The following KIAA2012 variants were observed in gnomAD, a reference collection of about 807,000 sequenced individuals.
KIAA2012 encodes KIAA2012, also known as uncharacterized protein KIAA2012.
In KIAA2012, 125 loss-of-function variants were observed where a neutral mutation model predicts 150.6. The observed-to-expected ratio is 0.83, with a 90% confidence interval of 0.72 to 0.96. KIAA2012 has a LOEUF of 0.96. Ranked by LOEUF, KIAA2012 falls within the 40% of genes least tolerant of loss-of-function variation. KIAA2012 has a pLI of 0.00. For missense variants in KIAA2012, 1,219 were observed against 1,354.9 expected (o/e 0.90, Z 1.57); for synonymous variants, 462 against 504.7 (o/e 0.92, Z 1.13).
chr2:202,096,673 T>C (rs895695007), intron 4 of KIAA2012, among the ~76,000 whole-genome samples: 3 of 152,158 alleles, frequency 2.0e-5, no homozygotes, highest in African/African-American at 7.2e-5. Context: ...GAGCCCCTAG[T>C]TGAAAGACAA....
At position 202,075,188 on chromosome 2, in the gene KIAA2012, C is replaced by T. The variant is rs779721927; in HGVS notation, c.369+13C>T. The T allele has an allele frequency of 3.3e-5, 50 of 1,528,734 alleles. No individual in the cohort carries two copies. Among genetic ancestry groups the T allele is most frequent in the Non-Finnish European group, 4.0e-5 (46 of 1,139,348 alleles). The allele number at this position is 1,528,734 out of a possible 1,614,324, so 94.7% of individuals were successfully genotyped here. A position where few individuals can be genotyped will look rare whatever the true frequency, so the allele number is the denominator to read the frequency against. On this transcript the variant is annotated intron_variant, in intron 2 of 23. Coordinates refer to ENST00000498697, the MANE Select transcript of KIAA2012 (RefSeq NM_001277372.4). ...TGGAAGGCAGCAGGTAGGCAGAACG[C>T]TCCCTTGGGTTTGGGGAAGGTGCTG...
At position 202,112,160 on chromosome 2, in the gene KIAA2012, G is replaced by A. The variant is rs1575018062; in HGVS notation, c.1652-1176G>A. Among the ~76,000 whole-genome samples the A allele has an allele frequency of 2.6e-5, 4 of 152,140 alleles. No individual in the cohort carries two copies. In the South Asian group the frequency reaches 8.3e-4, roughly 32 times the overall value. On this transcript the variant is annotated intron_variant, in intron 10 of 23. Transcript: ENST00000498697. ...TAAGGCCCCTAGGTAGCCTCATGAT[G>A]GGTGACCAGAAGGACCAAGCGATAA...
chr2:202,138,218 G>A (rs1396549133), intron 12 of KIAA2012: 8 of 458,106 alleles, frequency 1.7e-5, no homozygotes, highest in Non-Finnish European at 3.1e-5. Context: ...TGAATATAAG[G>A]TCTTAACACT....
At chr2:202,075,839 C>T (rs558251426) in intron 2 of KIAA2012, among the ~76,000 whole-genome samples, 1 of 152,290 alleles carries the variant, frequency 6.6e-6, no homozygotes, top group Admixed American at 6.5e-5. Flanking sequence ...GTGGGTGACT[C>T]CCTAATTTAA....
intron 2 of KIAA2012, among the ~76,000 whole-genome samples, chr2:202,088,342 G>A (rs140201301): frequency 7.9e-4 from 121 of 152,312 alleles, no homozygotes; most frequent in Non-Finnish European, 1.4e-3. Context: ...AAGGAGAAAA[G>A]ACCTAATATT....
intron 15 of KIAA2012, chr2:202,179,323 G>T: frequency 8.4e-7 from 1 of 1,184,928 alleles, no homozygotes; most frequent in South Asian, 1.2e-5. Flanking sequence ...GCTTTTCGCT[G>T]ACTACATTCA....
intron 15 of KIAA2012, among the ~76,000 whole-genome samples, chr2:202,168,631 T>C (rs1186965378): frequency 2.0e-5 from 3 of 152,104 alleles, no homozygotes; most frequent in Non-Finnish European, 4.4e-5. Context: ...GGGGGATGCA[T>C]GTAGTCCTCT....
chr2:202,172,601 G>A (rs771975323), intron 15 of KIAA2012, among the ~76,000 whole-genome samples: 2 of 152,188 alleles, frequency 1.3e-5, no homozygotes, highest in African/African-American at 2.4e-5. Flanking sequence ...GTTCAGTTCC[G>A]TTCAGGTCAG....
chr2:202,140,434 T>C (rs569697557), intron 13 of KIAA2012, among the ~76,000 whole-genome samples: 10 of 152,138 alleles, frequency 6.6e-5, no homozygotes, highest in East Asian at 1.9e-4. Flanking sequence ...CCAGAACCCA[T>C]TGGTTTGTCC....
chr2:202,118,866 G>A (rs752942747), intron 11 of KIAA2012, among the ~76,000 whole-genome samples: 4 of 152,218 alleles, frequency 2.6e-5, no homozygotes, highest in Non-Finnish European at 5.9e-5. Context: ...CTAAAACACA[G>A]TAGGGACTCT....
At chr2:202,077,181 C>A in intron 2 of KIAA2012, 1 of 382,468 alleles carries the variant, frequency 2.6e-6, no homozygotes, top group Non-Finnish European at 5.2e-6. Flanking sequence ...CAATGTTGCC[C>A]CCCCAGCTGT....
chr2:202,106,617 G>A (rs2105925287), intron 9 of KIAA2012, among the ~76,000 whole-genome samples: 1 of 152,248 alleles, frequency 6.6e-6, no homozygotes, highest in East Asian at 1.9e-4. Flanking sequence ...AACCCAGGAG[G>A]CGGAGGTTGC....
At chr2:202,176,389 G>T (rs2105733585) in intron 15 of KIAA2012, among the ~76,000 whole-genome samples, 1 of 152,116 alleles carries the variant, frequency 6.6e-6, no homozygotes, top group Non-Finnish European at 1.5e-5. Flanking sequence ...TAGAGACAGG[G>T]TTTCACCATG....
At chr2:202,105,644 C>A in intron 8 of KIAA2012, 117 bp from the exon 9 acceptor site, 1 of 1,345,644 alleles carries the variant, frequency 7.4e-7, no homozygotes, top group Non-Finnish European at 1.0e-6. Flanking sequence ...AGCAAATGGA[C>A]ACTGCTCCAA....
chr2:202,165,460 G>A (rs886331227), intron 15 of KIAA2012, 104 bp downstream of exon 15: 19 of 1,136,062 alleles, frequency 1.7e-5, no homozygotes, highest in Admixed American at 4.2e-5. Flanking sequence ...GGTGGCTCAC[G>A]CCTGTAGTCC....
chr2:202,158,023 C>G (rs1691564706), intron 14 of KIAA2012, among the ~76,000 whole-genome samples: 1 of 151,826 alleles, frequency 6.6e-6, no homozygotes, highest in South Asian at 2.1e-4. Context: ...TTTAGACAGT[C>G]TCTCTCTGTC....
chr2:202,177,345 G>A (rs951843586), intron 15 of KIAA2012, among the ~76,000 whole-genome samples: 1 of 152,162 alleles, frequency 6.6e-6, no homozygotes, highest in Non-Finnish European at 1.5e-5. Context: ...GATTACCTCT[G>A]GGAGGGAGAG....
At chr2:202,135,967 C>G (rs972817925) in intron 12 of KIAA2012, 104 of 260,852 alleles carry the variant, frequency 4.0e-4, no homozygotes, top group African/African-American at 2.2e-3. Context: ...TTCAGGGCCT[C>G]AGTTTCCCCC....
chr2:202,203,519 T>C (rs1168613253), intron 23 of KIAA2012, among the ~76,000 whole-genome samples: 1 of 152,212 alleles, frequency 6.6e-6, no homozygotes, highest in Non-Finnish European at 1.5e-5. Context: ...CATGTAGCTA[T>C]TTAAACTTGT....
Sources: allele counts gnomAD v4.1 joint callset (sites outside exome capture counted in the v4.1 genomes callset), GRCh38; gene constraint gnomAD v4.1.1; transcripts MANE v1.5; gene names NCBI Gene and HGNC (gene_info 2026-07-23, HGNC 2026-07-21).